KIF13B: variants seen among roughly 807,000 people sequenced by gnomAD.
KIF13B encodes kinesin-like protein KIF13B.
Under a neutral mutation model 222.0 loss-of-function variants are expected in KIF13B, and 127 were observed. The ratio of observed to expected loss-of-function variants is 0.57; its 90% CI spans 0.50 to 0.66. The LOEUF (loss-of-function observed/expected upper bound fraction) is 0.66, where lower values mean the gene tolerates loss of function less well. Ranked by LOEUF, KIF13B falls within the 30% of genes least tolerant of loss-of-function variation. The pLI, the probability that KIF13B is intolerant of heterozygous loss-of-function variation, is 0.00. For missense variants in KIF13B, 2,173 were observed against 2,379.0 expected (o/e 0.91, Z 1.80); for synonymous variants, 976 against 919.0 (o/e 1.06, Z -1.12).
At chr8:29,233,381 G>A (rs1017706248) in intron 2 of KIF13B, among the ~76,000 whole-genome samples, 1 of 152,192 alleles carries the variant, frequency 6.6e-6, no homozygotes, top group African/African-American at 2.4e-5. Flanking sequence ...TGCTCAAAAT[G>A]TTTTAGTTAA....
chr8:29,243,761 T>C (rs1248754457), intron 2 of KIF13B, among the ~76,000 whole-genome samples: 2 of 152,212 alleles, frequency 1.3e-5, no homozygotes, highest in Non-Finnish European at 2.9e-5. Flanking sequence ...CCACTTATAT[T>C]ATAAGGAATG....
rs181351724 is a variant in KIF13B, at chr8:29,110,444, A to G, written c.3931-374T>C. On this transcript the variant is annotated intron_variant, in intron 32 of 39. Transcript: ENST00000524189. The stretch of plus-strand genomic sequence containing the variant: ...CCTGGAACTCCTGAGGGACAGAGAA[A>G]GGGAAGAGGGGCTGGGGTGACTGCT... 7 of 240,752 alleles carry G rather than the reference A, an allele frequency of 2.9e-5. No homozygotes were observed. In the East Asian group the frequency reaches 8.3e-4, roughly 29 times the overall value. 14.9% of individuals were successfully genotyped at this position (240,752 alleles called of 1,614,324 possible).
intron 14 of KIF13B, among the ~76,000 whole-genome samples, chr8:29,151,762 A>C (rs1371659536): frequency 1.3e-5 from 2 of 152,134 alleles, no homozygotes; most frequent in African/African-American, 4.8e-5. Flanking sequence ...TCTGATGGAG[A>C]TGTACAAGGA....
At chr8:29,126,701 A>G (rs950772480) in intron 25 of KIF13B, among the ~76,000 whole-genome samples, 190 bp from the exon 26 acceptor site, 1 of 152,172 alleles carries the variant, frequency 6.6e-6, no homozygotes, top group Non-Finnish European at 1.5e-5. Context: ...CGCTCACAGA[A>G]GAGTGAAGCA....
At chr8:29,172,072 ATTTTC>A (rs1166189944) in intron 10 of KIF13B, among the ~76,000 whole-genome samples, 3 of 79,194 alleles carry the variant, frequency 3.8e-5, no homozygotes, top group Admixed American at 1.4e-4. Context: ...GATCACATAT[ATTTTC>A]TTTTCTTTTT....
Position 29,155,883 on chromosome 8 carries a change from A to T in KIF13B, c.1405-27T>A. Reference sequence around the variant, plus strand: ...TAAGAAAAAACCAAATTCACTGATTAATACTGTATTCTTACATATACACAA... The same window carrying T: ...TAAGAAAAAACCAAATTCACTGATTTATACTGTATTCTTACATATACACAA... On this transcript the variant is annotated intron_variant, in intron 13 of 39. Transcript: ENST00000524189. 4 of 1,511,162 alleles carry T rather than the reference A, an allele frequency of 2.6e-6. No homozygotes were observed. The South Asian group carries it at 4.8e-5, about 18-fold the overall frequency. The allele number at this position is 1,511,162 out of a possible 1,614,324, so 93.6% of individuals were successfully genotyped here.
chr8:29,179,566 T>G (rs1370993494), intron 8 of KIF13B, among the ~76,000 whole-genome samples: 1 of 152,200 alleles, frequency 6.6e-6, no homozygotes, highest in African/African-American at 2.4e-5. Flanking sequence ...CCCACATTTC[T>G]CAGACTCCCT....
intron 12 of KIF13B, among the ~76,000 whole-genome samples, chr8:29,161,548 T>C (rs553374546): frequency 6.6e-6 from 1 of 151,974 alleles, no homozygotes; most frequent in South Asian, 2.1e-4. Context: ...ATATAAAAAT[T>C]AGCCAGCTGT....
intron 37 of KIF13B, among the ~76,000 whole-genome samples, chr8:29,090,498 G>A (rs1440824606): frequency 2.6e-5 from 4 of 152,168 alleles, no homozygotes; most frequent in Non-Finnish European, 5.9e-5. Context: ...CTGAAGCCTG[G>A]AGATGTAAGT....
intron 32 of KIF13B, among the ~76,000 whole-genome samples, chr8:29,112,168 C>T (rs911779294): frequency 7.2e-5 from 11 of 152,272 alleles, no homozygotes; most frequent in Non-Finnish European, 1.2e-4. Flanking sequence ...AGCTGATCTC[C>T]GGCCAGGCAT....
intron 1 of KIF13B, among the ~76,000 whole-genome samples, chr8:29,246,850 G>A (rs1816049230): frequency 6.6e-6 from 1 of 152,212 alleles, no homozygotes; most frequent in South Asian, 2.1e-4. Context: ...ACCCAATGGA[G>A]AAAGAATAGT....
At position 29,113,413 on chromosome 8, in the gene KIF13B, G is replaced by C. The variant is rs374884889; in HGVS notation, c.3930+50C>G. 9.7e-6 allele frequency: 11 copies of C among 1,129,854 alleles called. No individual in the cohort carries two copies. In the Admixed American group the frequency reaches 1.1e-4, roughly 11 times the overall value. The allele number at this position is 1,129,854 out of a possible 1,614,324, so 70.0% of individuals were successfully genotyped here. A position where few individuals can be genotyped will look rare whatever the true frequency, so the allele number is the denominator to read the frequency against. ...GGGTAGGTCACTTTTCAGGGAGTTG[G>C]CTCTTTTTAAGTGTTTATTTTTAGT... On this transcript the variant is annotated intron_variant, in intron 32 of 39. Coordinates refer to ENST00000524189, the MANE Select transcript of KIF13B (RefSeq NM_015254.4).
At chr8:29,082,064 C>T (rs1001343935) in intron 37 of KIF13B, among the ~76,000 whole-genome samples, 1 of 152,168 alleles carries the variant, frequency 6.6e-6, no homozygotes, top group Non-Finnish European at 1.5e-5. Flanking sequence ...TTTACTCATT[C>T]GCAAATATGT....
At position 29,134,225 on chromosome 8, in the gene KIF13B, A is replaced by C; in HGVS notation, c.2614-15T>G. ...AGGATTTTAACCTGAAGGAAAAAGAAGGCTCTGTGTTTTGAAATCTGAGGG... is the reference window on the plus strand; with the variant it reads ...AGGATTTTAACCTGAAGGAAAAAGACGGCTCTGTGTTTTGAAATCTGAGGG... On this transcript the variant is annotated splice_polypyrimidine_tract_variant and intron_variant, in intron 21 of 39. Coordinates refer to ENST00000524189, the MANE Select transcript of KIF13B (RefSeq NM_015254.4). 2 of 1,611,650 alleles carry C rather than the reference A, an allele frequency of 1.2e-6. No individual in the cohort carries two copies. Among genetic ancestry groups the C allele is most frequent in the Non-Finnish European group, 1.7e-6 (2 of 1,178,922 alleles).
chr8:29,132,950 C>A (rs926743976), intron 22 of KIF13B, among the ~76,000 whole-genome samples: 1 of 152,158 alleles, frequency 6.6e-6, no homozygotes, highest in Non-Finnish European at 1.5e-5. Flanking sequence ...ATTCTGCCAG[C>A]CTGTCCATCT....
chr8:29,257,675 T>C (rs1816535791), intron 1 of KIF13B, among the ~76,000 whole-genome samples: 2 of 152,154 alleles, frequency 1.3e-5, no homozygotes, highest in Non-Finnish European at 2.9e-5. Flanking sequence ...GACATGGTTG[T>C]GCACACCTAT....
chr8:29,121,811 A>T (rs1374971682), intron 29 of KIF13B, among the ~76,000 whole-genome samples: 4 of 151,512 alleles, frequency 2.6e-5, no homozygotes, highest in South Asian at 2.1e-4. Flanking sequence ...TTTTTTTTTT[A>T]AACAGGTAAT....
Position 29,069,952 on chromosome 8 carries a change from C to T in KIF13B, c.*552G>A, listed in dbSNP as rs971271070. 2 of 153,458 alleles carry T rather than the reference C, an allele frequency of 1.3e-5. No individual in the cohort carries two copies. Among genetic ancestry groups the T allele is most frequent in the Non-Finnish European group, 1.4e-5 (1 of 69,684 alleles). The allele number at this position is 153,458 out of a possible 1,614,324, so 9.5% of individuals were successfully genotyped here. On this transcript the variant is annotated 3_prime_UTR_variant, in exon 40 of 40. Transcript: ENST00000524189. Reference sequence around the variant, plus strand: ...CAGAGCCCAGGGCCCTCCAGAGGCACTTGTGGAACCTGGGACCAGGGTGGG... The same window carrying T: ...CAGAGCCCAGGGCCCTCCAGAGGCATTTGTGGAACCTGGGACCAGGGTGGG...
chr8:29,093,045 C>A (rs1808372765), intron 36 of KIF13B, among the ~76,000 whole-genome samples, 167 bp from the exon 37 acceptor site: 2 of 152,224 alleles, frequency 1.3e-5, no homozygotes, highest in Admixed American at 1.3e-4. Flanking sequence ...TAATTTCCCT[C>A]AAACATAGTA....
Sources: allele counts gnomAD v4.1 joint callset (sites outside exome capture counted in the v4.1 genomes callset), GRCh38; gene constraint gnomAD v4.1.1; transcripts MANE v1.5; gene names NCBI Gene and HGNC (gene_info 2026-07-23, HGNC 2026-07-21).